SLC25A3: variants seen among roughly 807,000 people sequenced by gnomAD.
SLC25A3 encodes solute carrier family 25 member 3, also known as phosphate transport protein.
Under a neutral mutation model 37.1 loss-of-function variants are expected in SLC25A3, and 14 were observed. The observed-to-expected ratio is 0.38, with a 90% CI of 0.25 to 0.59. The LOEUF (loss-of-function observed/expected upper bound fraction) is 0.59, where lower values mean the gene tolerates loss of function less well. SLC25A3 is among the 20% of genes least tolerant of loss of function. SLC25A3 has a pLI of 0.67. For synonymous variants in SLC25A3, 161 were observed against 168.7 expected (o/e 0.95, Z 0.36); for missense variants, 385 against 458.1 (o/e 0.84, Z 1.46).
chr12:98,599,832 G>A, intron 5 of SLC25A3, 123 bp from the exon 6 acceptor site: 1 of 966,762 alleles, frequency 1.0e-6, no homozygotes, highest in Admixed American at 1.7e-5. Flanking sequence ...GAAATGACAT[G>A]CATTTATGCT....
At chr12:98,596,850 A>G (rs1044885016) in intron 3 of SLC25A3, among the ~76,000 whole-genome samples, 2 of 152,124 alleles carry the variant, frequency 1.3e-5, no homozygotes, top group African/African-American at 4.8e-5. Flanking sequence ...GTGAAACCTC[A>G]TCTCTGCTAA....
intron 2 of SLC25A3, chr12:98,595,280 T>G: frequency 1.4e-6 from 1 of 703,014 alleles, no homozygotes; most frequent in South Asian, 1.7e-5. Flanking sequence ...GATCTGAATT[T>G]GGCAGTGAAT....
chr12:98,599,721 CAAAG>C, intron 5 of SLC25A3: 2 of 684,276 alleles, frequency 2.9e-6, no homozygotes, highest in Non-Finnish European at 5.4e-6. Flanking sequence ...TTCCAGTAGT[CAAAG>C]AAACATCCAG....
intron 5 of SLC25A3, among the ~76,000 whole-genome samples, chr12:98,599,126 A>G (rs188484259): frequency 1.3e-5 from 2 of 149,582 alleles, no homozygotes; most frequent in East Asian, 4.0e-4. Context: ...CAATGGCACT[A>G]TCTCAGCTCA....
At position 98,601,813 on chromosome 12, in the gene SLC25A3, T is replaced by A. The variant is rs180870808; in HGVS notation, c.*285T>A. The A allele has an allele frequency of 2.9e-6, 1 of 348,934 alleles. No individual in the cohort carries two copies. Among genetic ancestry groups the A allele is most frequent in the African/African-American group, 2.1e-5 (1 of 47,768 alleles). 21.6% of individuals were successfully genotyped at this position (348,934 alleles called of 1,614,324 possible). A position where few individuals can be genotyped will look rare whatever the true frequency, so the allele number is the denominator to read the frequency against. On this transcript the variant is annotated 3_prime_UTR_variant, in exon 8 of 8. Transcript: ENST00000552981. Reference sequence around the variant, plus strand: ...TAAGGAAAAAATACAAAACTGACCATGACCATTGTTGGTTGAATATTCCAG... The same window carrying A: ...TAAGGAAAAAATACAAAACTGACCAAGACCATTGTTGGTTGAATATTCCAG...
rs1160353620 is a variant in SLC25A3 at position 98,600,068 on chromosome 12, C to T, written c.755C>T (p.Pro252Leu). 6.2e-7 allele frequency: 1 copy of T among 1,614,114 alleles called. No individual in the cohort carries two copies. Among genetic ancestry groups the T allele is most frequent in the Non-Finnish European group, 8.5e-7 (1 of 1,180,002 alleles). ...EALYKFVVPK[P>L]RSECSKPEQL... Reference sequence around the variant, plus strand: ...CTGTACAAGTTTGTGGTTCCTAAGCCCCGCAGTGAATGTTCAAAGCCAGAG... The same window carrying T: ...CTGTACAAGTTTGTGGTTCCTAAGCTCCGCAGTGAATGTTCAAAGCCAGAG... Residue 252 changes from proline (P) to leucine (L), a missense_variant, in exon 6 of 8, where the codon CCC becomes CTC. By Grantham distance (98) the Pro-to-Leu change is moderately conservative. Around this residue, in one of 2 missense-constraint regions of SLC25A3, gnomAD observed 276 missense variants for 367.6 expected, o/e 0.75. Transcript: ENST00000552981.
chr12:98,597,637 T>G, intron 3 of SLC25A3: 1 of 534,642 alleles, frequency 1.9e-6, no homozygotes, highest in Non-Finnish European at 3.3e-6. Context: ...TTGCCCAGGC[T>G]GGTCTTGAAC....
chr12:98,599,877 G>A (rs998882329), intron 5 of SLC25A3, 78 bp from the exon 6 acceptor site: 19 of 1,491,908 alleles, frequency 1.3e-5, no homozygotes, highest in South Asian at 2.3e-5. Context: ...ACTCGTGTGC[G>A]GACATTTCTG....
Position 98,601,718 on chromosome 12 carries a change from G to A in SLC25A3, c.*190G>A. The stretch of plus-strand genomic sequence containing the variant: ...ACCCAACTCTTCATGATTTGCCTGT[G>A]ACTTATTTTTAAAACTTTTTTAAAA... On this transcript the variant is annotated 3_prime_UTR_variant, in exon 8 of 8. Coordinates refer to ENST00000552981, the MANE Select transcript of SLC25A3 (RefSeq NM_002635.4). The A allele has an allele frequency of 5.1e-6, 3 of 592,324 alleles. No homozygotes were observed. The highest frequency in any genetic ancestry group is 6.0e-6 in the Non-Finnish European group (2 of 334,720). The allele number at this position is 592,324 out of a possible 1,614,324, so 36.7% of individuals were successfully genotyped here.
intron 3 of SLC25A3, among the ~76,000 whole-genome samples, chr12:98,597,404 G>A (rs61932021): frequency 6.6e-6 from 1 of 151,728 alleles, no homozygotes; most frequent in Non-Finnish European, 1.5e-5. Context: ...ATAAGGGAGA[G>A]CTACTGTATT....
Position 98,598,017 on chromosome 12 carries a change from T to A in SLC25A3, c.441T>A (p.Tyr147Ter). 1 of 1,613,532 alleles carries A rather than the reference T, an allele frequency of 6.2e-7. No individual in the cohort carries two copies. Among genetic ancestry groups the A allele is most frequent in the Non-Finnish European group, 8.5e-7 (1 of 1,179,430 alleles). Residue 147 changes from tyrosine to a stop codon, truncating the protein, a stop_gained, in exon 4 of 8, where the codon TAT becomes TAA. Coordinates refer to ENST00000552981, the MANE Select transcript of SLC25A3 (RefSeq NM_002635.4). LOFTEE classifies it high-confidence loss of function. ...TTTATGAAGTCTTTAAAGTCTTGTA[T>A]AGCAATATGCTTGGAGAGGTATGTA... ...FGFYEVFKVL[Y>*]SNMLGEENTY...
intron 3 of SLC25A3, chr12:98,597,546 C>G (rs1011775893): frequency 3.5e-5 from 12 of 347,728 alleles, no homozygotes; most frequent in Non-Finnish European, 6.0e-5. Flanking sequence ...CCCTCACCCT[C>G]CCGAGTAGCT....
In SLC25A3 at chr12:98,602,005, T is replaced by C. The variant is rs2097598314; in HGVS notation, c.*477T>C. The C allele has an allele frequency of 5.5e-6, 1 of 180,230 alleles. No individual in the cohort carries two copies. The highest frequency in any genetic ancestry group is 1.2e-5 in the Non-Finnish European group (1 of 85,056). The allele number at this position is 180,230 out of a possible 1,614,324, so 11.2% of individuals were successfully genotyped here. On this transcript the variant is annotated 3_prime_UTR_variant, in exon 8 of 8. Transcript: ENST00000552981. ...AAATGTCAGTGTATACTTACATTTT[T>C]GCAGCATGTACTACACCTTTTTTAT...
rs1044651614 is a variant in SLC25A3 at position 98,598,314 on chromosome 12, G to A, written c.460-208G>A. The A allele has an allele frequency of 1.6e-5, 13 of 807,446 alleles. No homozygotes were observed. In the African/African-American group the frequency reaches 2.1e-4, roughly 13 times the overall value. 50.0% of individuals were successfully genotyped at this position (807,446 alleles called of 1,614,324 possible). On this transcript the variant is annotated intron_variant, in intron 4 of 7. Coordinates refer to ENST00000552981, the MANE Select transcript of SLC25A3 (RefSeq NM_002635.4). Reference sequence around the variant, plus strand: ...TGGGACTCCTTTGCGTAGTTCCGGGGCATGGCATCTAGATATTTTTTGAAT... The same window carrying A: ...TGGGACTCCTTTGCGTAGTTCCGGGACATGGCATCTAGATATTTTTTGAAT...
Position 98,597,919 on chromosome 12 carries a change from G to A in SLC25A3, c.343G>A (p.Val115Ile). Residue 115 changes from valine (V) to isoleucine (I), a missense_variant, in exon 4 of 8, where the codon GTT becomes ATT. Transcript: ENST00000552981. The stretch of plus-strand genomic sequence containing the variant: ...CTCAGTTACACTTAAAGAGGATGGT[G>A]TTCGTGGTTTGGCTAAAGGATGGGC... ...GFSVTLKEDG[V>I]RGLAKGWAPT... The A allele has an allele frequency of 1.2e-6, 2 of 1,614,194 alleles. No homozygotes were observed. The highest frequency in any genetic ancestry group is 1.7e-6 in the Non-Finnish European group (2 of 1,180,040).
In SLC25A3 at chr12:98,594,156, A is replaced by G. The variant is rs1199559566; in HGVS notation, c.157+21A>G. On this transcript the variant is annotated intron_variant, in intron 2 of 7. Transcript: ENST00000552981. ...GGAAGGTGAGATCAGACCCTGCCCA[A>G]TACAGTCGTGTGGTCTACTTGTGGG... The G allele has an allele frequency of 5.7e-6, 9 of 1,591,012 alleles. No individual in the cohort carries two copies. The Admixed American group carries it at 8.6e-5, about 15-fold the overall frequency.
At chr12:98,596,890 G>A (rs562709852) in intron 3 of SLC25A3, among the ~76,000 whole-genome samples, 9 of 152,202 alleles carry the variant, frequency 5.9e-5, no homozygotes, top group Non-Finnish European at 1.3e-4. Flanking sequence ...GCATGGTGGC[G>A]TGCCTGTAGT....
intron 2 of SLC25A3, chr12:98,595,222 T>C: frequency 1.7e-6 from 1 of 579,364 alleles, no homozygotes; most frequent in Non-Finnish European, 3.1e-6. Context: ...TATGGCAGAA[T>C]ACGAGCTATT....
chr12:98,604,072 G>GGA lies in SLC25A3; in HGVS notation c.*2547_*2548dup, dbSNP rs1592982115. ...AGTTCAAGACCAGCCTGACCAACAT[G>GGA]GAGAAACCCTGTCTCTACTAAAAAT... On this transcript the variant is annotated 3_prime_UTR_variant, in exon 8 of 8. Coordinates refer to ENST00000552981, the MANE Select transcript of SLC25A3 (RefSeq NM_002635.4). 1 of 151,848 alleles carries GGA rather than the reference G, an allele frequency of 6.6e-6. No individual in the cohort carries two copies. The highest frequency in any genetic ancestry group is 1.9e-4 in the East Asian group (1 of 5,190). 9.4% of individuals were successfully genotyped at this position (151,848 alleles called of 1,614,324 possible). A position where few individuals can be genotyped will look rare whatever the true frequency, so the allele number is the denominator to read the frequency against.
Sources: allele counts gnomAD v4.1 joint callset (sites outside exome capture counted in the v4.1 genomes callset), GRCh38; gene constraint gnomAD v4.1.1; regional missense constraint gnomAD v4.1.1; transcripts MANE v1.5; gene names NCBI Gene and HGNC (gene_info 2026-07-23, HGNC 2026-07-21).